The following SEMA3D variants were observed in gnomAD, a reference collection of about 807,000 sequenced individuals.
The protein encoded by SEMA3D is semaphorin 3D.
In SEMA3D, 84 loss-of-function variants were observed where a neutral mutation model predicts 100.1. The ratio of observed to expected loss-of-function variants is 0.84; its 90% CI spans 0.70 to 1.01. SEMA3D has a LOEUF of 1.01. Ranked by LOEUF, SEMA3D falls within the 50% of genes least tolerant of loss-of-function variation. SEMA3D has a pLI of 0.00. For missense variants in SEMA3D, 875 were observed against 934.1 expected (o/e 0.94, Z 0.82); for synonymous variants, 312 against 320.7 (o/e 0.97, Z 0.29).
intron 3 of SEMA3D, among the ~76,000 whole-genome samples, chr7:85,098,676 C>T (rs1788648701): frequency 6.6e-6 from 1 of 151,840 alleles, no homozygotes; most frequent in Non-Finnish European, 1.5e-5. Flanking sequence ...CCTACACTGG[C>T]ACATATTAAT....
In SEMA3D at chr7:85,153,331, G is replaced by C. The variant is rs117391266; in HGVS notation, c.-41+277C>G. Among the ~76,000 whole-genome samples, 27 of 152,256 alleles carry C rather than the reference G, an allele frequency of 1.8e-4. 1 individual carries two copies. The East Asian group carries it at 4.8e-3, about 27-fold the overall frequency. ...TTTTTGTTTCAAGAGTCATTAAGATGATACAGCAGAGACCCAATCATTATT... is the reference window on the plus strand; with the variant it reads ...TTTTTGTTTCAAGAGTCATTAAGATCATACAGCAGAGACCCAATCATTATT... On this transcript the variant is annotated intron_variant, in intron 2 of 18. Transcript: ENST00000284136.
chr7:85,015,295 T>C, intron 15 of SEMA3D, 79 bp from the exon 16 acceptor site: 1 of 1,334,364 alleles, frequency 7.5e-7, no homozygotes, highest in Non-Finnish European at 1.1e-6. Context: ...GAATATCACA[T>C]AATACATATA....
upstream of SEMA3D, among the ~76,000 whole-genome samples, chr7:85,188,939 T>A (rs180883498): frequency 1.5e-4 from 23 of 152,356 alleles, no homozygotes; most frequent in East Asian, 4.4e-3. Flanking sequence ...ACAAAAGTGT[T>A]GGCTGTTTTG....
At chr7:85,033,014 A>C (rs527509655) in intron 12 of SEMA3D, among the ~76,000 whole-genome samples, 1 of 152,214 alleles carries the variant, frequency 6.6e-6, no homozygotes, top group Admixed American at 6.5e-5. Flanking sequence ...AAAGGCATAA[A>C]AATTGTATGA....
the SEMA3D span, among the ~76,000 whole-genome samples, chr7:85,240,099 G>C: frequency 6.6e-6 from 1 of 151,954 alleles, no homozygotes; most frequent in Non-Finnish European, 1.5e-5. Context: ...TTGATCTTAG[G>C]AAAAATGCTT....
At chr7:85,208,931 G>C in the SEMA3D span, among the ~76,000 whole-genome samples, 1 of 152,048 alleles carries the variant, frequency 6.6e-6, no homozygotes, top group Admixed American at 6.6e-5. Context: ...GACCACTGAA[G>C]GAAGATAAGT....
At chr7:85,177,301 T>A (rs1285078416) in intron 1 of SEMA3D, among the ~76,000 whole-genome samples, 2 of 152,186 alleles carry the variant, frequency 1.3e-5, no homozygotes, top group East Asian at 3.8e-4. Context: ...TTCTAAAAGT[T>A]ATTTTGGGGG....
intron 9 of SEMA3D, among the ~76,000 whole-genome samples, chr7:85,046,919 T>G (rs984850320): frequency 6.6e-6 from 1 of 151,980 alleles, no homozygotes; most frequent in Non-Finnish European, 1.5e-5. Context: ...ATCAGCAGTT[T>G]TTAGTCACCA....
the SEMA3D span, among the ~76,000 whole-genome samples, chr7:85,195,441 C>CTT: frequency 6.6e-6 from 1 of 150,806 alleles, no homozygotes; most frequent in African/African-American, 2.4e-5. Flanking sequence ...TCCTTTTTTT[C>CTT]TTTTTTTTTG....
chr7:85,083,626 C>T (rs950453689), intron 4 of SEMA3D, among the ~76,000 whole-genome samples: 4 of 151,292 alleles, frequency 2.6e-5, no homozygotes, highest in African/African-American at 9.7e-5. Flanking sequence ...GGGCGGATCA[C>T]GAGGTCAGGA....
At chr7:85,179,183 A>G (rs1003367050) in intron 1 of SEMA3D, among the ~76,000 whole-genome samples, 98 of 152,312 alleles carry the variant, frequency 6.4e-4, no homozygotes, top group African/African-American at 2.2e-3. Flanking sequence ...GTAATGGAGT[A>G]GTGGCCAGAG....
intron 2 of SEMA3D, chr7:85,143,027 A>G (rs1790101819): frequency 6.3e-6 from 6 of 949,538 alleles, no homozygotes; most frequent in Non-Finnish European, 7.5e-6. Context: ...TATGGCTTTC[A>G]TATGTTTACT....
At chr7:85,130,750 A>G (rs952309766) in intron 2 of SEMA3D, among the ~76,000 whole-genome samples, 2 of 152,166 alleles carry the variant, frequency 1.3e-5, no homozygotes, top group African/African-American at 4.8e-5. Context: ...TGTACCTTAT[A>G]TGACTGCCTT....
At chr7:85,177,174 A>T (rs1402515707) in intron 1 of SEMA3D, among the ~76,000 whole-genome samples, 1 of 152,158 alleles carries the variant, frequency 6.6e-6, no homozygotes, top group East Asian at 1.9e-4. Flanking sequence ...GTATTCAGAC[A>T]TGGATGTATC....
At chr7:85,203,915 G>C in the SEMA3D span, among the ~76,000 whole-genome samples, 2 of 151,942 alleles carry the variant, frequency 1.3e-5, 1 homozygote, top group South Asian at 4.1e-4. Flanking sequence ...GGAGATATTG[G>C]AATAAAAAAA....
At chr7:85,116,791 G>T (rs1460253533) in intron 3 of SEMA3D, among the ~76,000 whole-genome samples, 1 of 152,022 alleles carries the variant, frequency 6.6e-6, no homozygotes. Flanking sequence ...TCTGTGTATG[G>T]TATAGAGTGA....
chr7:85,058,250 A>G (rs942582755), intron 8 of SEMA3D, among the ~76,000 whole-genome samples: 1 of 152,114 alleles, frequency 6.6e-6, no homozygotes, highest in Non-Finnish European at 1.5e-5. Context: ...AAAACCACAT[A>G]AAGTATTTAA....
chr7:85,203,946 A>G, the SEMA3D span, among the ~76,000 whole-genome samples: 22 of 152,280 alleles, frequency 1.4e-4, no homozygotes, highest in African/African-American at 4.3e-4. Context: ...AGATTATTCC[A>G]TATTCCAAGG....
intron 1 of SEMA3D, among the ~76,000 whole-genome samples, chr7:85,176,566 T>C (rs1791232444): frequency 6.6e-6 from 1 of 152,114 alleles, no homozygotes; most frequent in Non-Finnish European, 1.5e-5. Flanking sequence ...CAGGTCATTA[T>C]TAAATAAGTA....
Sources: gnomAD v4.1 joint callset for allele counts (sites outside exome capture counted in the v4.1 genomes callset) on GRCh38, gnomAD v4.1.1 for gene constraint, MANE v1.5 for transcripts, NCBI Gene and HGNC (gene_info 2026-07-23, HGNC 2026-07-21) for gene names.